Variants in CDH12 observed in about 807,000 individuals in gnomAD.
CDH12 encodes the protein cadherin-12.
In CDH12, 41 loss-of-function variants were observed where a neutral mutation model predicts 74.1. The observed-to-expected ratio is 0.55, with a 90% CI of 0.43 to 0.72. CDH12 has a LOEUF of 0.72. Ranked by LOEUF, CDH12 falls within the 30% of genes least tolerant of loss-of-function variation. The probability of loss-of-function intolerance (pLI) is 0.00; values close to 1 mark genes in which losing one functional copy is unlikely to be tolerated. For missense variants in CDH12, 945 were observed against 977.2 expected (o/e 0.97, Z 0.44); for synonymous variants, 399 against 355.0 (o/e 1.12, Z -1.39).
In CDH12 at chr5:22,317,522, G is replaced by A. The variant is rs909313713; in HGVS notation, c.-333+87735C>T. On this transcript the variant is annotated intron_variant, in intron 3 of 14. Coordinates refer to ENST00000382254, the MANE Select transcript of CDH12 (RefSeq NM_004061.5). The stretch of plus-strand genomic sequence containing the variant: ...ACAACCAACCATGAATACAGAGAAA[G>A]ACAAAGTGATAGAATGTCATATACT... Among the ~76,000 whole-genome samples the A allele has an allele frequency of 3.9e-5, 6 of 152,044 alleles. No homozygotes were observed. The South Asian group carries it at 1.0e-3, about 26-fold the overall frequency.
chr5:22,466,638 T>C (rs183283946), intron 2 of CDH12, among the ~76,000 whole-genome samples: 4 of 152,204 alleles, frequency 2.6e-5, no homozygotes, highest in Admixed American at 2.0e-4. Flanking sequence ...CGGTTTCCAT[T>C]TGTTTACCCC....
At chr5:22,325,453 A>C (rs1196742897) in intron 3 of CDH12, among the ~76,000 whole-genome samples, 2 of 152,230 alleles carry the variant, frequency 1.3e-5, no homozygotes, top group Non-Finnish European at 1.5e-5. Flanking sequence ...CCGAAAGTAA[A>C]TATATTTATG....
At chr5:22,191,283 C>A (rs62349144) in intron 4 of CDH12, among the ~76,000 whole-genome samples, 18 of 151,848 alleles carry the variant, frequency 1.2e-4, no homozygotes, top group African/African-American at 3.9e-4. Context: ...CCTTCCTTTA[C>A]ACTCTCTTAA....
intron 4 of CDH12, among the ~76,000 whole-genome samples, chr5:22,115,689 CTTTTT>C (rs10669028): frequency 4.5e-5 from 5 of 110,480 alleles, no homozygotes; most frequent in Admixed American, 4.2e-4. Context: ...GTCCTCGCGA[CTTTTT>C]TTTTTTTTTT....
intron 1 of CDH12, among the ~76,000 whole-genome samples, chr5:22,825,217 G>A (rs2126486211): frequency 6.6e-6 from 1 of 151,998 alleles, no homozygotes; most frequent in East Asian, 1.9e-4. Context: ...CTGTCTTTTT[G>A]GTGTGGGTAT....
rs185553447 is a variant in CDH12, at chr5:21,935,305, A to T, written c.526+39786T>A. ...AAAAATATAATACTAGTTATTAAAA[A>T]TATTTATTCAGTTTAGACATGGCTA... On this transcript the variant is annotated intron_variant, in intron 6 of 14. Coordinates refer to ENST00000382254, the MANE Select transcript of CDH12 (RefSeq NM_004061.5). Among the ~76,000 whole-genome samples, 1,064 of 152,258 alleles carry T rather than the reference A, an allele frequency of 7.0e-3. 10 individuals carry two copies. Among genetic ancestry groups the T allele is most frequent in the African/African-American group, 0.024 (995 of 41,562 alleles).
chr5:22,444,642 G>C (rs945051851), intron 2 of CDH12, among the ~76,000 whole-genome samples: 2 of 151,550 alleles, frequency 1.3e-5, no homozygotes, highest in Non-Finnish European at 2.9e-5. Flanking sequence ...TGGGTAAAAT[G>C]GGAATAACCT....
intron 1 of CDH12, among the ~76,000 whole-genome samples, chr5:22,553,816 C>G (rs1343518200): frequency 6.6e-6 from 1 of 152,076 alleles, no homozygotes; most frequent in African/African-American, 2.4e-5. Flanking sequence ...ACTGTTTCAC[C>G]TGAAATCATC....
chr5:22,290,827 G>A (rs1314600155), intron 3 of CDH12, among the ~76,000 whole-genome samples: 2 of 152,024 alleles, frequency 1.3e-5, no homozygotes, highest in African/African-American at 2.4e-5. Context: ...ATTCTTAACA[G>A]GCCAATAATG....
intron 2 of CDH12, among the ~76,000 whole-genome samples, chr5:22,414,494 G>A (rs900223013): frequency 3.9e-5 from 6 of 151,988 alleles, no homozygotes; most frequent in South Asian, 4.1e-4. Flanking sequence ...GACAATAATA[G>A]AATCTTTCAA....
chr5:22,117,478 T>TA (rs1554012020), intron 4 of CDH12, among the ~76,000 whole-genome samples: 3 of 68,292 alleles, frequency 4.4e-5, no homozygotes, highest in Admixed American at 2.2e-4. Context: ...AATATATATA[T>TA]TATATATATA....
At chr5:22,635,509 CTT>C (rs1379796904) in intron 1 of CDH12, among the ~76,000 whole-genome samples, 1 of 152,128 alleles carries the variant, frequency 6.6e-6, no homozygotes, top group Non-Finnish European at 1.5e-5. Flanking sequence ...AATGATAAAA[CTT>C]TTGTGTTTCA....
At chr5:22,374,049 CA>C (rs1299427928) in intron 3 of CDH12, among the ~76,000 whole-genome samples, 1 of 152,020 alleles carries the variant, frequency 6.6e-6, no homozygotes, top group Non-Finnish European at 1.5e-5. Flanking sequence ...AACACAGATG[CA>C]AAAATCCTCA....
At chr5:22,048,643 G>C (rs1184008726) in intron 5 of CDH12, among the ~76,000 whole-genome samples, 1 of 152,054 alleles carries the variant, frequency 6.6e-6, no homozygotes, top group Non-Finnish European at 1.5e-5. Context: ...TATCAAGTGG[G>C]GGTTGGGGGA....
intron 1 of CDH12, among the ~76,000 whole-genome samples, chr5:22,540,824 C>A (rs561839845): frequency 6.6e-6 from 1 of 152,252 alleles, no homozygotes; most frequent in Non-Finnish European, 1.5e-5. Context: ...TAAAGCAAAT[C>A]TTTCTTATGA....
At chr5:22,108,146 A>G (rs1744597271) in intron 4 of CDH12, among the ~76,000 whole-genome samples, 1 of 152,178 alleles carries the variant, frequency 6.6e-6, no homozygotes, top group Non-Finnish European at 1.5e-5. Flanking sequence ...ACTGAATCAT[A>G]GGGGCAATTT....
chr5:22,187,226 T>C (rs1750007689), intron 4 of CDH12, among the ~76,000 whole-genome samples: 1 of 152,132 alleles, frequency 6.6e-6, no homozygotes, highest in Non-Finnish European at 1.5e-5. Context: ...GGTGCTTATA[T>C]TGCTGGCAGG....
rs34448733 is a variant in CDH12, at chr5:22,513,951, G to GAAAA, written c.-522-8591_-522-8588dup. On this transcript the variant is annotated intron_variant, in intron 1 of 14. Coordinates refer to ENST00000382254, the MANE Select transcript of CDH12 (RefSeq NM_004061.5). Reference sequence around the variant, plus strand: ...GCCACATTGTGAGACTCCGTGTCAGGAAAAAAAAAAAAAAAAAATGCACAA... The same window carrying GAAAA: ...GCCACATTGTGAGACTCCGTGTCAGGAAAAAAAAAAAAAAAAAAAAAATGCACAA... Among the ~76,000 whole-genome samples the GAAAA allele has an allele frequency of 7.0e-3, 703 of 100,478 alleles. 6 individuals are homozygous for GAAAA. The highest frequency in any genetic ancestry group is 0.027 in the African/African-American group (682 of 25,118). The allele number at this position is 100,478 out of a possible 152,430, so 65.9% of individuals were successfully genotyped here. A position where few individuals can be genotyped will look rare whatever the true frequency, so the allele number is the denominator to read the frequency against.
At chr5:22,148,841 C>G (rs1054201502) in intron 4 of CDH12, among the ~76,000 whole-genome samples, 9 of 152,200 alleles carry the variant, frequency 5.9e-5, no homozygotes, top group Non-Finnish European at 1.0e-4. Flanking sequence ...TAACCACTGG[C>G]TGGGCATGGT....
Sources: gnomAD v4.1 joint callset for allele counts (sites outside exome capture counted in the v4.1 genomes callset) on GRCh38, gnomAD v4.1.1 for gene constraint, MANE v1.5 for transcripts, NCBI Gene and HGNC (gene_info 2026-07-23, HGNC 2026-07-21) for gene names.